The following LPAR1 variants were observed in gnomAD, a reference collection of about 807,000 sequenced individuals.
LPAR1 encodes the protein LPA receptor 1.
In LPAR1, 5 loss-of-function variants were observed where a neutral mutation model predicts 23.8. That is an observed-to-expected ratio of 0.21 (90% CI 0.11 to 0.44). LPAR1 has a LOEUF of 0.44. Ranked by LOEUF, LPAR1 falls within the 20% of genes least tolerant of loss-of-function variation. LPAR1 has a pLI of 0.99. For synonymous variants in LPAR1, 160 were observed against 164.7 expected, an observed-to-expected ratio of 0.97 and a Z score of 0.22; for missense variants, 311 against 482.8, an observed-to-expected ratio of 0.64 and a Z score of 3.33.
At chr9:111,013,285 C>A (rs187595301) in intron 2 of LPAR1, among the ~76,000 whole-genome samples, 1 of 152,268 alleles carries the variant, frequency 6.6e-6, no homozygotes, top group Admixed American at 6.5e-5. Context: ...AAAACTAAAT[C>A]TGAAAATGTC....
At chr9:110,886,406 A>G (rs1455761758) in intron 5 of LPAR1, among the ~76,000 whole-genome samples, 2 of 129,840 alleles carry the variant, frequency 1.5e-5, no homozygotes, top group African/African-American at 5.5e-5. Context: ...ATTATTACCC[A>G]TCAATAACCA....
chr9:110,970,831 C>T (rs528560361), intron 4 of LPAR1, among the ~76,000 whole-genome samples: 132 of 152,238 alleles, frequency 8.7e-4, no homozygotes, highest in African/African-American at 3.0e-3. Context: ...TGAAAGTATG[C>T]TTTTTTCTTC....
At chr9:110,886,708 A>G (rs1216264519) in intron 5 of LPAR1, among the ~76,000 whole-genome samples, 1 of 152,220 alleles carries the variant, frequency 6.6e-6, no homozygotes, top group East Asian at 1.9e-4. Context: ...CTTCACATAG[A>G]AAATAACTCA....
chr9:110,966,033 C>T (rs904434720), intron 4 of LPAR1, among the ~76,000 whole-genome samples: 2 of 152,060 alleles, frequency 1.3e-5, no homozygotes, highest in African/African-American at 4.8e-5. Flanking sequence ...GAACAGAAAA[C>T]CAAGTACCAC....
chr9:110,884,871 T>C (rs190564484), intron 5 of LPAR1, among the ~76,000 whole-genome samples: 43 of 152,360 alleles, frequency 2.8e-4, no homozygotes, highest in African/African-American at 8.2e-4. Context: ...CATTTAAAAA[T>C]TGATGGATCC....
intron 4 of LPAR1, among the ~76,000 whole-genome samples, chr9:110,947,637 C>A (rs1588478503): frequency 6.6e-6 from 1 of 152,300 alleles, no homozygotes; most frequent in African/African-American, 2.4e-5. Context: ...TTATAGGATA[C>A]CAGGTTGGGC....
intron 4 of LPAR1, among the ~76,000 whole-genome samples, chr9:110,953,239 C>T (rs2095625948): frequency 6.6e-6 from 1 of 152,208 alleles, no homozygotes; most frequent in African/African-American, 2.4e-5. Context: ...CCAGCATACA[C>T]CAAGAACAGG....
intron 5 of LPAR1, among the ~76,000 whole-genome samples, chr9:110,907,916 A>AC (rs2091629703): frequency 3.6e-5 from 5 of 139,714 alleles, no homozygotes; most frequent in South Asian, 2.3e-4. Flanking sequence ...CCTTTGACAA[A>AC]ACACACACAC....
chr9:110,886,100 C>A (rs993610894), intron 5 of LPAR1, among the ~76,000 whole-genome samples: 23 of 151,314 alleles, frequency 1.5e-4, no homozygotes, highest in African/African-American at 5.3e-4. Context: ...CCGGAGTCTA[C>A]GGCAGGAGAA....
intron 2 of LPAR1, among the ~76,000 whole-genome samples, chr9:111,034,010 A>C (rs745563320): frequency 1.3e-5 from 2 of 152,162 alleles, no homozygotes; most frequent in African/African-American, 2.4e-5. Context: ...TGAACCTATA[A>C]AGCTCCTGAA....
intron 2 of LPAR1, among the ~76,000 whole-genome samples, chr9:111,031,382 G>T (rs2097790561): frequency 7.8e-6 from 1 of 128,366 alleles, no homozygotes; most frequent in East Asian, 2.4e-4. Context: ...TGTAGTGAGA[G>T]CCCATTTCTT....
chr9:111,027,494 T>A (rs917885977), intron 2 of LPAR1, among the ~76,000 whole-genome samples: 1 of 151,966 alleles, frequency 6.6e-6, no homozygotes, highest in African/African-American at 2.4e-5. Flanking sequence ...GAACAAGACA[T>A]GGTCTTTAAG....
At chr9:111,027,749 C>A (rs752117036) in intron 2 of LPAR1, among the ~76,000 whole-genome samples, 1 of 151,706 alleles carries the variant, frequency 6.6e-6, no homozygotes, top group African/African-American at 2.4e-5. Flanking sequence ...TAGGAAAGAA[C>A]ATCCTAGGCA....
chr9:110,997,730 C>CTAGA (rs1166725450), intron 2 of LPAR1, among the ~76,000 whole-genome samples: 12 of 152,150 alleles, frequency 7.9e-5, no homozygotes, highest in African/African-American at 2.9e-4. Context: ...GATACTTGGA[C>CTAGA]TAGAACAAAC....
intron 5 of LPAR1, among the ~76,000 whole-genome samples, chr9:110,914,017 T>G (rs1399691744): frequency 6.6e-6 from 1 of 152,140 alleles, no homozygotes; most frequent in Non-Finnish European, 1.5e-5. Context: ...AAAAAGAAGT[T>G]CCCTCATTGC....
chr9:111,033,808 C>T (rs1335260985), intron 2 of LPAR1, among the ~76,000 whole-genome samples: 6 of 152,206 alleles, frequency 3.9e-5, no homozygotes, highest in African/African-American at 1.4e-4. Context: ...CCGCCTCAGC[C>T]TCCCAAAGTG....
At chr9:110,905,866 T>A (rs2091063875) in intron 5 of LPAR1, among the ~76,000 whole-genome samples, 1 of 152,160 alleles carries the variant, frequency 6.6e-6, no homozygotes, top group Non-Finnish European at 1.5e-5. Context: ...GCTGGCTGCG[T>A]GTCCTGGCTC....
intron 5 of LPAR1, among the ~76,000 whole-genome samples, chr9:110,927,911 A>T (rs980185168): frequency 2.6e-5 from 4 of 152,244 alleles, no homozygotes; most frequent in African/African-American, 9.6e-5. Context: ...TGTTGAAGGG[A>T]TTAAAGTGAA....
chr9:110,967,867 A>G (rs542469716), intron 4 of LPAR1, among the ~76,000 whole-genome samples: 1 of 152,282 alleles, frequency 6.6e-6, no homozygotes, highest in East Asian at 1.9e-4. Flanking sequence ...GATCCTGGGA[A>G]CCAAGTGACC....
Sources: gnomAD v4.1 joint callset for allele counts (sites outside exome capture counted in the v4.1 genomes callset) on GRCh38, gnomAD v4.1.1 for gene constraint, MANE v1.5 for transcripts, NCBI Gene and HGNC (gene_info 2026-07-23, HGNC 2026-07-21) for gene names.